Variants in ANKDD1A observed in about 807,000 individuals in gnomAD.
The protein encoded by ANKDD1A is ankyrin repeat and death domain-containing protein 1A.
ANKDD1A carries 59 observed loss-of-function variants against 63.5 expected under a neutral mutation model. The observed-to-expected ratio is 0.93, with a 90% CI of 0.75 to 1.15. ANKDD1A has a LOEUF of 1.15. Among genes scored for constraint, ANKDD1A ranks in the 50% most tolerant of loss-of-function variants. ANKDD1A has a pLI of 0.00. For synonymous variants in ANKDD1A, 266 were observed against 263.9 expected (o/e 1.01, Z -0.08); for missense variants, 632 against 656.4 (o/e 0.96, Z 0.41).
Position 64,954,024 on chromosome 15 carries a change from C to CT in ANKDD1A, c.1484-3075dup, listed in dbSNP as rs1413675969. ...CCTTTCTTCTTCCTTCTTTCCTCTT[C>CT]TTTTCTTTCTTCTTCCTCTTCTTCT... On this transcript the variant is annotated intron_variant, in intron 14 of 14. Coordinates refer to ENST00000319580, the MANE Select transcript of ANKDD1A (RefSeq NM_182703.6). Among the ~76,000 whole-genome samples the CT allele has an allele frequency of 2.5e-3, 302 of 120,904 alleles. 5 individuals carry two copies. The highest frequency in any genetic ancestry group is 0.019 in the East Asian group (66 of 3,418). The allele number at this position is 120,904 out of a possible 152,430, so 79.3% of individuals were successfully genotyped here.
chr15:64,942,411 C>T, intron 9 of ANKDD1A, 56 bp from the exon 10 acceptor site: 3 of 1,370,466 alleles, frequency 2.2e-6, no homozygotes, highest in Middle Eastern at 1.8e-4. Context: ...CACCAGCCTG[C>T]AGCTGGGCAG....
intron 14 of ANKDD1A, chr15:64,951,014 A>G (rs1406996666): frequency 7.9e-7 from 1 of 1,272,034 alleles, no homozygotes; most frequent in Non-Finnish European, 1.0e-6. Context: ...ACAGCCATGT[A>G]ACCGGAGGGG....
At chr15:64,953,684 CCTT>C (rs1443137670) in intron 14 of ANKDD1A, among the ~76,000 whole-genome samples, 3 of 64,854 alleles carry the variant, frequency 4.6e-5, no homozygotes, top group Non-Finnish European at 7.8e-5. Context: ...CTTTTCTTCT[CCTT>C]CTCCCTTCTT....
chr15:64,942,805 T>C (rs2085195229), intron 10 of ANKDD1A, among the ~76,000 whole-genome samples: 1 of 152,152 alleles, frequency 6.6e-6, no homozygotes, highest in Non-Finnish European at 1.5e-5. Flanking sequence ...AACATTACAG[T>C]GAACATCTTT....
At chr15:64,915,266 C>T (rs1157538876) in intron 1 of ANKDD1A, among the ~76,000 whole-genome samples, 2 of 152,160 alleles carry the variant, frequency 1.3e-5, no homozygotes, top group Admixed American at 6.5e-5. Flanking sequence ...GATCACGCCA[C>T]TGCACTCCAG....
At position 64,950,529 on chromosome 15, in the gene ANKDD1A, G is replaced by A. The variant is rs1378615801; in HGVS notation, c.1483+557G>A. 3.0e-6 allele frequency: 3 copies of A among 985,278 alleles called. No homozygotes were observed. In the African/African-American group the frequency reaches 5.2e-5, roughly 17 times the overall value. The allele number at this position is 985,278 out of a possible 1,614,324, so 61.0% of individuals were successfully genotyped here. On this transcript the variant is annotated intron_variant, in intron 14 of 14. Coordinates refer to ENST00000319580, the MANE Select transcript of ANKDD1A (RefSeq NM_182703.6). Reference sequence around the variant, plus strand: ...CTCATTAAAAACAAAATCAGCTCATGATGAAAAAGCCTTAAACGCTGTGAT... The same window carrying A: ...CTCATTAAAAACAAAATCAGCTCATAATGAAAAAGCCTTAAACGCTGTGAT...
chr15:64,915,540 T>C (rs1207655593), intron 1 of ANKDD1A, among the ~76,000 whole-genome samples: 1 of 152,200 alleles, frequency 6.6e-6, no homozygotes, highest in African/African-American at 2.4e-5. Flanking sequence ...TGAAAATGGC[T>C]TCGCCCTGCT....
At chr15:64,918,490 G>A (rs566946866) in intron 3 of ANKDD1A, among the ~76,000 whole-genome samples, 110 of 151,754 alleles carry the variant, frequency 7.2e-4, no homozygotes, top group Admixed American at 1.0e-3. Context: ...GGAGCAGAAT[G>A]TCTAGGATCC....
chr15:64,954,452 TCTTCCCTCTTCTC>T (rs1364450439), intron 14 of ANKDD1A, among the ~76,000 whole-genome samples: 1 of 135,280 alleles, frequency 7.4e-6, no homozygotes, highest in Non-Finnish European at 1.7e-5. Context: ...TCCTTCTTCT[TCTTCCCTCTTCTC>T]CTTCTTCCTC....
intron 14 of ANKDD1A, among the ~76,000 whole-genome samples, chr15:64,953,303 TTTAC>T (rs1197821599): frequency 2.7e-5 from 4 of 148,916 alleles, no homozygotes; most frequent in African/African-American, 5.1e-5. Flanking sequence ...TTCTTCTTCT[TTTAC>T]TTTTTTCTTT....
At chr15:64,934,089 G>T (rs1251978492) in intron 8 of ANKDD1A, 47 bp from the exon 9 acceptor site, 1 of 1,517,214 alleles carries the variant, frequency 6.6e-7, no homozygotes, top group Non-Finnish European at 9.1e-7. Flanking sequence ...GCAAACCTCA[G>T]TAGGAGGGGT....
chr15:64,948,088 CTAAA>C (rs1341031256), intron 13 of ANKDD1A, among the ~76,000 whole-genome samples: 2 of 152,056 alleles, frequency 1.3e-5, no homozygotes, highest in Non-Finnish European at 2.9e-5. Context: ...AAGGAAATGG[CTAAA>C]TATAGAAAAT....
chr15:64,913,544 A>C (rs1455341624), intron 1 of ANKDD1A, among the ~76,000 whole-genome samples: 1 of 152,114 alleles, frequency 6.6e-6, no homozygotes, highest in African/African-American at 2.4e-5. Flanking sequence ...GAAACTGCCT[A>C]ACACAGCTAG....
At chr15:64,953,666 T>C (rs1419933917) in intron 14 of ANKDD1A, among the ~76,000 whole-genome samples, 3 of 58,042 alleles carry the variant, frequency 5.2e-5, no homozygotes, top group Non-Finnish European at 1.4e-4. Flanking sequence ...CTTTTCTTTC[T>C]TCTCCTTCTT....
chr15:64,931,692 C>T (rs1357404139), intron 8 of ANKDD1A, 107 bp downstream of exon 8: 61 of 1,223,380 alleles, frequency 5.0e-5, no homozygotes, highest in Non-Finnish European at 6.6e-5. Flanking sequence ...ATAGAGGCTT[C>T]GAGGCAGCAG....
At chr15:64,931,050 C>A in intron 7 of ANKDD1A, 130 bp downstream of exon 7, 1 of 920,428 alleles carries the variant, frequency 1.1e-6, no homozygotes, top group Non-Finnish European at 1.6e-6. Context: ...TGAGAGCCCA[C>A]CAGGGAAAGA....
intron 11 of ANKDD1A, 23 bp from the exon 12 acceptor site, chr15:64,944,629 C>T (rs927963137): frequency 6.2e-7 from 1 of 1,610,642 alleles, no homozygotes; most frequent in Admixed American, 1.7e-5. Flanking sequence ...ACTCTGGCTT[C>T]TCTTCTTGCC....
At chr15:64,915,954 C>T in intron 2 of ANKDD1A, 54 bp downstream of exon 2, 2 of 1,527,418 alleles carry the variant, frequency 1.3e-6, no homozygotes. Flanking sequence ...CACGATAATG[C>T]CAGTACACAG....
intron 3 of ANKDD1A, chr15:64,919,765 T>C (rs2084995035): frequency 6.6e-6 from 1 of 152,214 alleles, no homozygotes; most frequent in Admixed American, 6.5e-5. Flanking sequence ...ACATTATACA[T>C]GAAAACAATG....
Sources: allele counts gnomAD v4.1 joint callset (sites outside exome capture counted in the v4.1 genomes callset), GRCh38; gene constraint gnomAD v4.1.1; transcripts MANE v1.5; gene names NCBI Gene and HGNC (gene_info 2026-07-23, HGNC 2026-07-21).